Variants in SUV39H2 observed in about 807,000 individuals in gnomAD.
The protein encoded by SUV39H2 is SUV39H2 histone lysine methyltransferase.
In SUV39H2, 10 loss-of-function variants were observed where a neutral mutation model predicts 47.5. The observed-to-expected ratio is 0.21, with a 90% CI of 0.13 to 0.36. SUV39H2 has a LOEUF of 0.36. Among genes scored for constraint, SUV39H2 ranks in the 10% least tolerant of loss-of-function variants. The pLI is 1.00. For synonymous variants in SUV39H2, 159 were observed against 166.8 expected (o/e 0.95, Z 0.36); for missense variants, 266 against 487.4 (o/e 0.55, Z 4.28).
intron 3 of SUV39H2, chr10:14,898,185 G>T (rs1394801541): frequency 2.2e-5 from 3 of 137,022 alleles, no homozygotes; most frequent in East Asian, 2.2e-4. Flanking sequence ...CCAAAACTCA[G>T]TGAGGTAGTA....
chr10:14,893,775 T>C (rs2131692103), intron 2 of SUV39H2, among the ~76,000 whole-genome samples: 1 of 152,372 alleles, frequency 6.6e-6, no homozygotes, highest in African/African-American at 2.4e-5. Context: ...GGTACCAATG[T>C]GATTAGCATA....
chr10:14,892,967 C>T (rs1173242954), intron 2 of SUV39H2, among the ~76,000 whole-genome samples: 4 of 150,642 alleles, frequency 2.7e-5, no homozygotes, highest in Non-Finnish European at 5.9e-5. Context: ...TTACAGGTGC[C>T]TGCCCACCAC....
intron 4 of SUV39H2, 81 bp downstream of exon 4, chr10:14,899,766 TTAAAC>T (rs1256690297): frequency 2.0e-6 from 3 of 1,480,724 alleles, no homozygotes; most frequent in African/African-American, 2.8e-5. Flanking sequence ...ATAATTCCCT[TTAAAC>T]TACATATCCT....
intron 3 of SUV39H2, chr10:14,899,178 G>T: frequency 1.4e-6 from 1 of 701,302 alleles, no homozygotes; most frequent in South Asian, 1.5e-5. Context: ...ATCATTAGCT[G>T]GGCATGGCGG....
intron 2 of SUV39H2, among the ~76,000 whole-genome samples, chr10:14,890,183 A>C (rs971250276): frequency 2.6e-5 from 4 of 152,232 alleles, no homozygotes; most frequent in Non-Finnish European, 4.4e-5. Flanking sequence ...TCATTATACT[A>C]CAACCTGTAT....
At chr10:14,888,687 G>A (rs1198848216) in intron 2 of SUV39H2, among the ~76,000 whole-genome samples, 1 of 151,960 alleles carries the variant, frequency 6.6e-6, no homozygotes, top group African/African-American at 2.4e-5. Context: ...CCAGAGAAAA[G>A]ATGATGTCAG....
chr10:14,893,658 AAAGTC>A (rs1265884947), intron 2 of SUV39H2, among the ~76,000 whole-genome samples: 1 of 152,280 alleles, frequency 6.6e-6, no homozygotes, highest in African/African-American at 2.4e-5. Flanking sequence ...TTATAAAATA[AAAGTC>A]AAGTCTACCA....
chr10:14,890,889 A>G (rs1833366986), intron 2 of SUV39H2, among the ~76,000 whole-genome samples: 1 of 152,200 alleles, frequency 6.6e-6, no homozygotes, highest in African/African-American at 2.4e-5. Flanking sequence ...ATTTCCTTTA[A>G]GAACTCATAC....
Position 14,899,647 on chromosome 10 carries a change from G to A in SUV39H2, c.958G>A (p.Ala320Thr). The part of the protein sequence containing the change: ...YESDEFTVDA[A>T]RYGNVSHFVN... Reference sequence around the variant, plus strand: ...GTCTGATGAATTCACAGTGGATGCGGCTCGATACGGCAATGTGTCTCATTT... The same window carrying A: ...GTCTGATGAATTCACAGTGGATGCGACTCGATACGGCAATGTGTCTCATTT... Residue 320 changes from alanine (A) to threonine (T), a missense_variant, in exon 4 of 6, where the codon GCT becomes ACT. Physicochemically the swap from Ala to Thr is moderately conservative, Grantham distance 58. Coordinates refer to ENST00000354919, the MANE Select transcript of SUV39H2 (RefSeq NM_001193424.2). 3 of 1,614,020 alleles carry A rather than the reference G, an allele frequency of 1.9e-6. 1 individual carries two copies. In the South Asian group the frequency reaches 3.3e-5, roughly 18 times the overall value.
chr10:14,892,145 G>A (rs973573656), intron 2 of SUV39H2, among the ~76,000 whole-genome samples: 2 of 152,220 alleles, frequency 1.3e-5, no homozygotes, highest in African/African-American at 4.8e-5. Flanking sequence ...GGAAGTCTGA[G>A]AAATGGTTAG....
intron 2 of SUV39H2, among the ~76,000 whole-genome samples, chr10:14,894,355 G>GGT (rs1833491475): frequency 1.7e-5 from 1 of 58,096 alleles, no homozygotes; most frequent in African/African-American, 8.8e-5. Context: ...AGAAAGCAAA[G>GGT]TTTTTTTTTT....
chr10:14,881,647 TA>T lies in SUV39H2; in HGVS notation c.177+4del. On this transcript the variant is annotated splice_donor_region_variant and intron_variant, in intron 2 of 5. Coordinates refer to ENST00000354919, the MANE Select transcript of SUV39H2 (RefSeq NM_001193424.2). ...TTGTGTGACTACAAGGTAGTAAAGG[TA>T]AGGCAAATATCTAGCCCCTTACAAG... is the stretch of plus-strand genomic sequence containing the variant. The T allele has an allele frequency of 6.4e-7, 1 of 1,564,776 alleles. No homozygotes were observed. Among genetic ancestry groups the T allele is most frequent in the South Asian group, 1.2e-5 (1 of 81,718 alleles).
intron 3 of SUV39H2, chr10:14,899,315 G>T: frequency 2.9e-6 from 2 of 679,102 alleles, no homozygotes; most frequent in Non-Finnish European, 5.3e-6. Flanking sequence ...GTGAGACCCT[G>T]TTTAAAAAAA....
intron 2 of SUV39H2, among the ~76,000 whole-genome samples, chr10:14,896,094 C>T (rs1324441767): frequency 1.3e-5 from 2 of 152,008 alleles, no homozygotes; most frequent in East Asian, 3.9e-4. Flanking sequence ...AGGCGTGCAC[C>T]ACCACACCCA....
At chr10:14,879,264 G>A (rs1349906417) in intron 1 of SUV39H2, 3 of 436,412 alleles carry the variant, frequency 6.9e-6, no homozygotes, top group East Asian at 1.3e-4. Context: ...TTGGAGGTCC[G>A]GGGGGCACGG....
At chr10:14,883,789 C>T (rs1232343032) in intron 2 of SUV39H2, among the ~76,000 whole-genome samples, 1 of 151,548 alleles carries the variant, frequency 6.6e-6, no homozygotes, top group Non-Finnish European at 1.5e-5. Flanking sequence ...TTTCATTATC[C>T]CAAAAAGAAA....
chr10:14,882,871 T>G (rs528958440), intron 2 of SUV39H2, among the ~76,000 whole-genome samples: 62 of 151,960 alleles, frequency 4.1e-4, no homozygotes, highest in African/African-American at 1.4e-3. Flanking sequence ...GGAGTTTTTT[T>G]TTTTTTTTTT....
chr10:14,898,756 C>T (rs1466138886), intron 3 of SUV39H2: 1 of 153,658 alleles, frequency 6.5e-6, no homozygotes, highest in East Asian at 1.9e-4. Context: ...CTTAGACTTA[C>T]AGAATTGCAT....
chr10:14,895,914 G>GTTT (rs577176593), intron 2 of SUV39H2, among the ~76,000 whole-genome samples: 1 of 137,406 alleles, frequency 7.3e-6, no homozygotes, highest in African/African-American at 2.7e-5. Context: ...TTCAGTGTGG[G>GTTT]TTTTTTTTTT....
Sources: allele counts gnomAD v4.1 joint callset (sites outside exome capture counted in the v4.1 genomes callset), GRCh38; gene constraint gnomAD v4.1.1; transcripts MANE v1.5; gene names NCBI Gene and HGNC (gene_info 2026-07-23, HGNC 2026-07-21).